The following HRH1 variants were observed in gnomAD, a reference collection of about 807,000 sequenced individuals.
HRH1 encodes histamine receptor H1.
Under a neutral mutation model 10.3 loss-of-function variants are expected in HRH1, and 6 were observed. The ratio of observed to expected loss-of-function variants is 0.58; its 90% confidence interval spans 0.32 to 1.15. The LOEUF is 1.15. Among genes scored for constraint, HRH1 ranks in the 50% most tolerant of loss-of-function variants. The probability of loss-of-function intolerance (pLI) is 0.05; values close to 1 mark genes in which losing one functional copy is unlikely to be tolerated. For synonymous variants in HRH1, 242 were observed against 236.7 expected (o/e 1.02, Z -0.21); for missense variants, 514 against 615.3 (o/e 0.84, Z 1.74).
chr3:11,188,437 G>T (rs1249386686), intron 1 of HRH1, among the ~76,000 whole-genome samples: 2 of 152,086 alleles, frequency 1.3e-5, no homozygotes, highest in Admixed American at 6.6e-5. Flanking sequence ...CCCCAGGCAT[G>T]GTGGCACCTT....
intron 1 of HRH1, among the ~76,000 whole-genome samples, chr3:11,144,367 GTGTA>G (rs1171568877): frequency 1.7e-3 from 14 of 8,052 alleles, no homozygotes; most frequent in African/African-American, 9.9e-3. Flanking sequence ...GTGTGTGTGT[GTGTA>G]TATATATGTC....
chr3:11,194,250 A>G (rs1355346997), intron 1 of HRH1, among the ~76,000 whole-genome samples: 1 of 152,184 alleles, frequency 6.6e-6, no homozygotes, highest in Non-Finnish European at 1.5e-5. Flanking sequence ...CTCAAAGCAA[A>G]CAGACCTAGG....
chr3:11,210,838 C>A (rs527247894), intron 1 of HRH1, among the ~76,000 whole-genome samples: 1 of 149,808 alleles, frequency 6.7e-6, no homozygotes, highest in African/African-American at 2.4e-5. Context: ...TTTTGTGTAT[C>A]TGCTTAGTCC....
intron 1 of HRH1, among the ~76,000 whole-genome samples, chr3:11,180,256 C>T (rs1050559921): frequency 1.3e-5 from 2 of 152,144 alleles, no homozygotes; most frequent in Non-Finnish European, 2.9e-5. Flanking sequence ...CTTCCTCCTA[C>T]ACCAGCAGTC....
intron 1 of HRH1, among the ~76,000 whole-genome samples, chr3:11,173,944 A>C (rs1277069443): frequency 6.6e-6 from 1 of 152,220 alleles, no homozygotes; most frequent in Admixed American, 6.5e-5. Flanking sequence ...ACTGCCACTC[A>C]GACATGGGAT....
Position 11,259,104 on chromosome 3 carries a change from G to A in HRH1, c.67G>A (p.Ala23Thr). Residue 23 changes from alanine (A) to threonine (T), a missense_variant, in exon 2 of 2, where the codon GCC (alanine) becomes ACC (threonine). Coordinates refer to ENST00000431010, the MANE Select transcript of HRH1 (RefSeq NM_001098212.2). The surrounding 1 kb of genome is among the most constrained non-coding windows in gnomAD (Gnocchi z 4.6). ...KMCEGNKTTM[A>T]SPQLMPLVVV... ...GTGTGAGGGCAACAAGACCACTATG[G>A]CCAGCCCCCAGCTGATGCCCCTGGT... The A allele has an allele frequency of 1.2e-6, 2 of 1,613,980 alleles. No individual in the cohort carries two copies. Among genetic ancestry groups the A allele is most frequent in the East Asian group, 2.2e-5 (1 of 44,880 alleles).
chr3:11,183,057 G>GC (rs1937387633), intron 1 of HRH1, among the ~76,000 whole-genome samples: 1 of 152,008 alleles, frequency 6.6e-6, no homozygotes, highest in Non-Finnish European at 1.5e-5. Flanking sequence ...CACTCCTCCC[G>GC]CCCCCTGGCC....
At chr3:11,148,180 CAAAAAA>C (rs58792725) in intron 1 of HRH1, among the ~76,000 whole-genome samples, 1 of 85,968 alleles carries the variant, frequency 1.2e-5, no homozygotes, top group African/African-American at 4.3e-5. Context: ...CTCTGTCAAA[CAAAAAA>C]AAAAAAAAAA....
upstream of HRH1, among the ~76,000 whole-genome samples, chr3:11,152,145 C>G (rs753306405): frequency 2.6e-5 from 4 of 152,160 alleles, no homozygotes; most frequent in Non-Finnish European, 5.9e-5. Flanking sequence ...TTTGTTTTCT[C>G]ATTTGCAAAA....
chr3:11,211,488 A>G (rs1165882373), intron 1 of HRH1, among the ~76,000 whole-genome samples: 1 of 152,164 alleles, frequency 6.6e-6, no homozygotes, highest in Non-Finnish European at 1.5e-5. Context: ...CATAATCACA[A>G]TTAGGCATTT....
At chr3:11,257,948 A>T (rs1481601502) in intron 1 of HRH1, among the ~76,000 whole-genome samples, 1 of 152,162 alleles carries the variant, frequency 6.6e-6, no homozygotes, top group African/African-American at 2.4e-5. Flanking sequence ...AAATGCTGGG[A>T]TTATGGGTGT....
At chr3:11,252,316 G>A (rs949728713) in intron 1 of HRH1, among the ~76,000 whole-genome samples, 3 of 152,132 alleles carry the variant, frequency 2.0e-5, no homozygotes, top group East Asian at 3.9e-4. Context: ...TTTCGAGGCC[G>A]TTAACCCTTC....
chr3:11,221,669 C>T (rs1938714487), intron 1 of HRH1, among the ~76,000 whole-genome samples: 2 of 152,032 alleles, frequency 1.3e-5, no homozygotes, highest in Admixed American at 6.6e-5. Context: ...GTGCCCATCA[C>T]CACCCATCAC....
intron 1 of HRH1, among the ~76,000 whole-genome samples, chr3:11,250,716 A>G (rs2152586066): frequency 6.6e-6 from 1 of 152,324 alleles, no homozygotes; most frequent in African/African-American, 2.4e-5. Flanking sequence ...CAATCTAAAA[A>G]GCATCTCATA....
At chr3:11,185,311 T>C (rs1425773080) in intron 1 of HRH1, among the ~76,000 whole-genome samples, 3 of 152,188 alleles carry the variant, frequency 2.0e-5, no homozygotes, top group Non-Finnish European at 4.4e-5. Flanking sequence ...GAAAACATCC[T>C]TCGAGTTCTG....
At chr3:11,203,787 A>G (rs2125029180) in intron 1 of HRH1, among the ~76,000 whole-genome samples, 2 of 152,326 alleles carry the variant, frequency 1.3e-5, no homozygotes, top group Admixed American at 1.3e-4. Flanking sequence ...TCAGTCTGCC[A>G]ACTTTGCTCT....
intron 1 of HRH1, among the ~76,000 whole-genome samples, chr3:11,172,341 GC>G: frequency 6.6e-6 from 1 of 152,372 alleles, no homozygotes; most frequent in East Asian, 1.9e-4. Context: ...GGGTCACACT[GC>G]CCCAGCCCTC....
chr3:11,215,488 T>G (rs577637759), intron 1 of HRH1, among the ~76,000 whole-genome samples: 2 of 152,324 alleles, frequency 1.3e-5, no homozygotes, highest in Admixed American at 1.3e-4. Flanking sequence ...TCGCCCAGGC[T>G]GGAGTGCAGT....
At chr3:11,220,140 T>C (rs1156250023) in intron 1 of HRH1, among the ~76,000 whole-genome samples, 1 of 152,010 alleles carries the variant, frequency 6.6e-6, no homozygotes. Flanking sequence ...GTAATAGTAA[T>C]TACCTCCTAG....
Sources: gnomAD v4.1 joint callset for allele counts (sites outside exome capture counted in the v4.1 genomes callset) on GRCh38, gnomAD v4.1.1 for gene constraint, Gnocchi (gnomAD v3.1) non-coding constraint, MANE v1.5 for transcripts, NCBI Gene and HGNC (gene_info 2026-07-23, HGNC 2026-07-21) for gene names.